CREB5: variants seen among roughly 807,000 people sequenced by gnomAD.
The protein encoded by CREB5 is cyclic AMP-responsive element-binding protein 5.
CREB5 carries 19 observed loss-of-function variants against 57.1 expected under a neutral mutation model. That is an observed-to-expected ratio of 0.33 (90% CI 0.23 to 0.49). The LOEUF (loss-of-function observed/expected upper bound fraction) is 0.49, where lower values mean the gene tolerates loss of function less well. Among genes scored for constraint, CREB5 ranks in the 20% least tolerant of loss-of-function variants. The pLI is 0.99. For synonymous variants in CREB5, 238 were observed against 238.3 expected, an observed-to-expected ratio of 1.00 and a Z score of 0.01; for missense variants, 579 against 671.6, an observed-to-expected ratio of 0.86 and a Z score of 1.52.
chr7:28,687,270 T>C (rs1800987838), intron 5 of CREB5, among the ~76,000 whole-genome samples: 1 of 152,074 alleles, frequency 6.6e-6, no homozygotes, highest in Non-Finnish European at 1.5e-5. Context: ...TTGAATTAAT[T>C]TTTTAGATGA....
At chr7:28,756,570 A>AAC (rs1388094216) in intron 7 of CREB5, among the ~76,000 whole-genome samples, 1 of 151,302 alleles carries the variant, frequency 6.6e-6, no homozygotes, top group East Asian at 1.9e-4. Flanking sequence ...AAAAAAAAAA[A>AAC]CAGCACATTG....
intron 1 of CREB5, among the ~76,000 whole-genome samples, chr7:28,377,941 AAAAAC>A (rs1408810401): frequency 1.3e-5 from 2 of 148,840 alleles, no homozygotes; most frequent in Non-Finnish European, 3.0e-5. Context: ...CAAAAAAAAA[AAAAAC>A]AAAAAAGAAA....
Position 28,820,738 on chromosome 7 carries a change from G to A in CREB5, c.*1459G>A, listed in dbSNP as rs1809718786. ...TCCACCTCCGCCTCCTGAGTAGCTG[G>A]GACCACAGGTTCACATAACCATGCC... On this transcript the variant is annotated 3_prime_UTR_variant, in exon 11 of 11. Coordinates refer to ENST00000357727, the MANE Select transcript of CREB5 (RefSeq NM_182898.4). The A allele has an allele frequency of 6.6e-6, 1 of 151,988 alleles. No homozygotes were observed. The highest frequency in any genetic ancestry group is 1.5e-5 in the Non-Finnish European group (1 of 67,996). 9.4% of individuals were successfully genotyped at this position (151,988 alleles called of 1,614,324 possible). A position where few individuals can be genotyped will look rare whatever the true frequency, so the allele number is the denominator to read the frequency against.
At chr7:28,393,329 G>A (rs1290725187) in intron 1 of CREB5, among the ~76,000 whole-genome samples, 1 of 152,328 alleles carries the variant, frequency 6.6e-6, no homozygotes, top group East Asian at 1.9e-4. Flanking sequence ...AAAGCAGCGA[G>A]CTAAAGGTTT....
chr7:28,593,520 A>G (rs1796597263), intron 5 of CREB5, among the ~76,000 whole-genome samples: 1 of 152,244 alleles, frequency 6.6e-6, no homozygotes, highest in Non-Finnish European at 1.5e-5. Context: ...AAGCACTGGG[A>G]TTACAGGTGT....
intron 5 of CREB5, among the ~76,000 whole-genome samples, chr7:28,570,867 T>C (rs1176895484): frequency 6.6e-6 from 1 of 152,000 alleles, no homozygotes; most frequent in East Asian, 1.9e-4. Flanking sequence ...AGAACAAACA[T>C]GGTGGAGGGA....
intron 5 of CREB5, among the ~76,000 whole-genome samples, chr7:28,597,864 C>T (rs1165256210): frequency 6.6e-6 from 1 of 152,058 alleles, no homozygotes; most frequent in Non-Finnish European, 1.5e-5. Context: ...CCTTTTCCTG[C>T]CACAGGGAAA....
At chr7:28,304,864 T>C (rs541046791) in intron 1 of CREB5, among the ~76,000 whole-genome samples, 2 of 152,200 alleles carry the variant, frequency 1.3e-5, no homozygotes, top group Non-Finnish European at 2.9e-5. Context: ...AAAATAAGTA[T>C]GTATTTGTAG....
At chr7:28,443,179 C>T (rs1169625728) in intron 1 of CREB5, among the ~76,000 whole-genome samples, 1 of 152,206 alleles carries the variant, frequency 6.6e-6, no homozygotes, top group Non-Finnish European at 1.5e-5. Context: ...TCATGGCCAG[C>T]AAGCAGCATC....
chr7:28,525,747 G>A (rs1013805597), intron 4 of CREB5, among the ~76,000 whole-genome samples: 1 of 152,104 alleles, frequency 6.6e-6, no homozygotes, highest in African/African-American at 2.4e-5. Context: ...ATCCAGTAGT[G>A]TGTGTGTATG....
At chr7:28,406,730 T>C (rs886324976) in intron 1 of CREB5, among the ~76,000 whole-genome samples, 2 of 152,154 alleles carry the variant, frequency 1.3e-5, no homozygotes, top group African/African-American at 2.4e-5. Context: ...TCCATGAAAC[T>C]CTGGCTCTGA....
intron 1 of CREB5, among the ~76,000 whole-genome samples, chr7:28,374,920 C>T (rs1786791247): frequency 6.6e-6 from 1 of 152,128 alleles, no homozygotes; most frequent in East Asian, 1.9e-4. Flanking sequence ...CAAGGGAACT[C>T]ATTCTATATT....
chr7:28,614,879 G>A (rs1187811756), intron 5 of CREB5, among the ~76,000 whole-genome samples: 11 of 151,986 alleles, frequency 7.2e-5, no homozygotes, highest in African/African-American at 2.7e-4. Flanking sequence ...GCACATCCTA[G>A]TTATCACAGC....
At chr7:28,313,247 C>T (rs1360002268) in intron 1 of CREB5, among the ~76,000 whole-genome samples, 4 of 152,216 alleles carry the variant, frequency 2.6e-5, no homozygotes, top group African/African-American at 9.7e-5. Context: ...GAACTTCCTG[C>T]TTCATGAGCC....
chr7:28,471,267 G>T (rs1790792623), intron 1 of CREB5, among the ~76,000 whole-genome samples: 1 of 152,100 alleles, frequency 6.6e-6, no homozygotes, highest in South Asian at 2.1e-4. Flanking sequence ...AGAGATGGGG[G>T]TCTAGTTTCA....
chr7:28,345,449 T>G (rs1291748090), intron 1 of CREB5, among the ~76,000 whole-genome samples: 1 of 152,186 alleles, frequency 6.6e-6, no homozygotes, highest in Non-Finnish European at 1.5e-5. Context: ...ACAATGCCAC[T>G]TACTGTATAA....
intron 4 of CREB5, among the ~76,000 whole-genome samples, chr7:28,521,130 G>A (rs1172860753): frequency 2.6e-5 from 4 of 152,156 alleles, no homozygotes; most frequent in African/African-American, 7.2e-5. Flanking sequence ...ATTGCACAGT[G>A]CATGTGTGTG....
In CREB5 at chr7:28,678,815, C is replaced by T. The variant is rs546511153; in HGVS notation, c.465-39938C>T. On this transcript the variant is annotated intron_variant, in intron 5 of 10. Coordinates refer to ENST00000357727, the MANE Select transcript of CREB5 (RefSeq NM_182898.4). ...TTAAAAAAAATTCTTCTCATCCCCT[C>T]CGGGCAAAAGTGTTGGAGGGCGAAT... Among the ~76,000 whole-genome samples the T allele has an allele frequency of 4.7e-4, 71 of 152,296 alleles. No homozygotes were observed. The South Asian group carries it at 0.015, about 31-fold the overall frequency.
intron 1 of CREB5, among the ~76,000 whole-genome samples, chr7:28,375,490 T>A (rs1435313967): frequency 1.3e-5 from 2 of 152,046 alleles, no homozygotes; most frequent in African/African-American, 4.8e-5. Context: ...TTGTACATTT[T>A]AAAATAACTA....
Sources: allele counts gnomAD v4.1 joint callset (sites outside exome capture counted in the v4.1 genomes callset), GRCh38; gene constraint gnomAD v4.1.1; transcripts MANE v1.5; gene names NCBI Gene and HGNC (gene_info 2026-07-23, HGNC 2026-07-21).